UGT2B4: variants seen among roughly 807,000 people sequenced by gnomAD.
The protein encoded by UGT2B4 is UDP-glucuronosyltransferase 2B4.
Under a neutral mutation model 49.8 loss-of-function variants are expected in UGT2B4, and 49 were observed. The ratio of observed to expected loss-of-function variants is 0.98; its 90% CI spans 0.78 to 1.25. The LOEUF (loss-of-function observed/expected upper bound fraction) is 1.25, where lower values mean the gene tolerates loss of function less well. UGT2B4 is among the 50% of genes most tolerant of loss of function. The probability of loss-of-function intolerance (pLI) is 0.00; values close to 1 mark genes in which losing one functional copy is unlikely to be tolerated. For missense variants in UGT2B4, 729 were observed against 627.7 expected, an observed-to-expected ratio of 1.16 and a Z score of -1.73; for synonymous variants, 246 against 217.7, an observed-to-expected ratio of 1.13 and a Z score of -1.14.
chr4:69,523,676 A>G (rs1026774853), intron 1 of UGT2B4, among the ~76,000 whole-genome samples: 3 of 152,110 alleles, frequency 2.0e-5, no homozygotes, highest in African/African-American at 7.2e-5. Flanking sequence ...TCACCAGTTG[A>G]ATTACACACT....
chr4:69,515,687 G>A (rs1728711717), intron 1 of UGT2B4, among the ~76,000 whole-genome samples: 1 of 151,850 alleles, frequency 6.6e-6, no homozygotes, highest in Non-Finnish European at 1.5e-5. Flanking sequence ...ATACAGACGT[G>A]AAAAATCACT....
At chr4:69,484,867 G>T (rs1314280672) in intron 5 of UGT2B4, among the ~76,000 whole-genome samples, 2 of 152,078 alleles carry the variant, frequency 1.3e-5, no homozygotes, top group East Asian at 3.9e-4. Context: ...AGACATTTTA[G>T]ATATTGAATT....
upstream of UGT2B4, among the ~76,000 whole-genome samples, chr4:69,497,941 G>A (rs548707809): frequency 6.6e-5 from 10 of 152,160 alleles, no homozygotes; most frequent in African/African-American, 2.2e-4. Flanking sequence ...CCACAGTCAC[G>A]CCAACTACTA....
intron 1 of UGT2B4, among the ~76,000 whole-genome samples, chr4:69,502,089 C>T (rs200780891): frequency 2.1e-4 from 18 of 84,142 alleles, no homozygotes; most frequent in African/African-American, 5.1e-4. Flanking sequence ...CTTTCTTTCT[C>T]TCTCTTTCTT....
At chr4:69,486,529 G>T in intron 4 of UGT2B4, 80 bp downstream of exon 4, 2 of 953,880 alleles carry the variant, frequency 2.1e-6, no homozygotes, top group Non-Finnish European at 3.0e-6. Context: ...CAAATGTTCA[G>T]TAAGCTTGTT....
At chr4:69,486,115 C>A (rs1404276699) in intron 4 of UGT2B4, among the ~76,000 whole-genome samples, 1 of 152,054 alleles carries the variant, frequency 6.6e-6, no homozygotes, top group African/African-American at 2.4e-5. Flanking sequence ...GTGTGCAAGG[C>A]AGCAGGCAGT....
chr4:69,508,018 T>A (rs1410477994), intron 1 of UGT2B4, among the ~76,000 whole-genome samples: 1 of 151,320 alleles, frequency 6.6e-6, no homozygotes, highest in African/African-American at 2.4e-5. Context: ...CTAGAAAAAA[T>A]TAAAAAGTGG....
chr4:69,511,350 T>C (rs1169667536), intron 1 of UGT2B4, among the ~76,000 whole-genome samples: 1 of 152,154 alleles, frequency 6.6e-6, no homozygotes, highest in Non-Finnish European at 1.5e-5. Context: ...ACTTTTTTCT[T>C]TTTTATTCAT....
At chr4:69,504,264 T>C (rs924058732) in intron 1 of UGT2B4, among the ~76,000 whole-genome samples, 1 of 152,206 alleles carries the variant, frequency 6.6e-6, no homozygotes, top group East Asian at 1.9e-4. Context: ...AGAATATGGA[T>C]AGAAATGCAG....
chr4:69,498,922 G>A (rs1728232086), upstream of UGT2B4, among the ~76,000 whole-genome samples: 1 of 152,050 alleles, frequency 6.6e-6, no homozygotes, highest in Admixed American at 6.6e-5. Context: ...GGGTTTGTTT[G>A]CACTTGGCTC....
intron 1 of UGT2B4, among the ~76,000 whole-genome samples, chr4:69,507,797 G>A (rs920904456): frequency 2.0e-5 from 3 of 151,928 alleles, no homozygotes; most frequent in Non-Finnish European, 4.4e-5. Flanking sequence ...ATATAGACAC[G>A]GGCAAATATT....
upstream of UGT2B4, among the ~76,000 whole-genome samples, chr4:69,500,625 G>GA (rs745942218): frequency 7.7e-6 from 1 of 130,294 alleles, no homozygotes; most frequent in African/African-American, 2.7e-5. Context: ...AAGAAAGAAA[G>GA]AAAGAAAGAA....
In UGT2B4 at chr4:69,485,422, G is replaced by A. The variant is rs756351958; in HGVS notation, c.1096C>T (p.Pro366Ser). The stretch of plus-strand genomic sequence containing the variant: ...TGAGTTATAAAAGCTCTGGTTTTTG[G>A]GTGACCTAGGATTGGATGAATTTTA... ...WIPQNDLLGH[P>S]KTRAFITHGG... Residue 366 changes from proline to serine, a missense_variant, in exon 5 of 6, where the codon CCA becomes TCA. Coordinates refer to ENST00000305107, the MANE Select transcript of UGT2B4 (RefSeq NM_021139.3). 1.2e-6 allele frequency: 2 copies of A among 1,613,686 alleles called. No individual in the cohort carries two copies. Among genetic ancestry groups the A allele is most frequent in the Non-Finnish European group, 8.5e-7 (1 of 1,179,736 alleles).
rs780563590 is a variant in UGT2B4 at position 69,495,568 on chromosome 4, T to G, written c.294A>C (p.Ala98=). 6.2e-7 allele frequency: 1 copy of G among 1,613,950 alleles called. No individual in the cohort carries two copies. Among genetic ancestry groups the G allele is most frequent in the South Asian group, 1.1e-5 (1 of 91,082 alleles). Reference sequence around the variant, plus strand: ...ACCAAAATGTGTCTTTTGGAAGTTCTGCCCATCTCTTAACCAGCTGCTTGA... The same window carrying G: ...ACCAAAATGTGTCTTTTGGAAGTTCGGCCCATCTCTTAACCAGCTGCTTGA... The part of the protein sequence containing the change: ...DIIKQLVKRW[A]ELPKDTFWSY... The change falls in exon 1 of 6, where the codon GCA becomes GCC. Residue 98 remains alanine (A), a synonymous_variant. Coordinates refer to ENST00000305107, the MANE Select transcript of UGT2B4 (RefSeq NM_021139.3).
upstream of UGT2B4, among the ~76,000 whole-genome samples, chr4:69,499,645 T>C (rs1728250960): frequency 6.6e-6 from 1 of 152,224 alleles, no homozygotes; most frequent in Non-Finnish European, 1.5e-5. Flanking sequence ...TTGATCTTTT[T>C]GGTTTAAAGT....
intron 4 of UGT2B4, among the ~76,000 whole-genome samples, chr4:69,486,303 A>G (rs1318094449): frequency 6.6e-6 from 1 of 152,172 alleles, no homozygotes; most frequent in Non-Finnish European, 1.5e-5. Context: ...GGAGGAAAGA[A>G]CAGGTGTAAA....
At chr4:69,500,655 AAGAAAG>A (rs1350846486), upstream of UGT2B4, among the ~76,000 whole-genome samples, 171 of 123,102 alleles carry the variant, frequency 1.4e-3, 2 homozygotes, top group Non-Finnish European at 2.5e-3. Context: ...GAAAGAAAGA[AAGAAAG>A]AAAGAAAGGA....
At chr4:69,501,311 G>C (rs1376401861) in intron 1 of UGT2B4, among the ~76,000 whole-genome samples, 2 of 152,146 alleles carry the variant, frequency 1.3e-5, no homozygotes, top group African/African-American at 4.8e-5. Context: ...TGGCCAGACT[G>C]CTTCTTTAAG....
chr4:69,495,321 C>G lies in UGT2B4; in HGVS notation c.541G>C (p.Glu181Gln), dbSNP rs1383268614. The change falls in exon 1 of 6, where the codon GAA becomes CAA. Residue 181 changes from glutamate to glutamine, a missense_variant. Transcript: ENST00000305107. ...SLRFSPGYAI[E>Q]KHSGGLLFPP... ...AACAGAAGTCCTCCACTATGCTTTTCAATTGCGTAGCCAGGAGAGAAGCGG... is the reference window on the plus strand; with the variant it reads ...AACAGAAGTCCTCCACTATGCTTTTGAATTGCGTAGCCAGGAGAGAAGCGG... 1 of 1,612,786 alleles carries G rather than the reference C, an allele frequency of 6.2e-7. No homozygotes were observed. Among genetic ancestry groups the G allele is most frequent in the Admixed American group, 1.7e-5 (1 of 59,726 alleles).
Sources: allele counts gnomAD v4.1 joint callset (sites outside exome capture counted in the v4.1 genomes callset), GRCh38; gene constraint gnomAD v4.1.1; transcripts MANE v1.5; gene names NCBI Gene and HGNC (gene_info 2026-07-23, HGNC 2026-07-21).